Variants in VPS13C observed in about 807,000 individuals in gnomAD.
VPS13C encodes intermembrane lipid transfer protein VPS13C.
In VPS13C, 358 loss-of-function variants were observed where a neutral mutation model predicts 456.8. The ratio of observed to expected loss-of-function variants is 0.78; its 90% confidence interval spans 0.72 to 0.86. The LOEUF is 0.86. Ranked by LOEUF, VPS13C falls within the 40% of genes least tolerant of loss-of-function variation. The pLI is 0.00. For missense variants in VPS13C, 4,818 were observed against 4,385.4 expected, an observed-to-expected ratio of 1.10 and a Z score of -2.79; for synonymous variants, 1,578 against 1,486.7, an observed-to-expected ratio of 1.06 and a Z score of -1.41.
chr15:62,007,462 T>C lies in VPS13C; in HGVS notation c.1136A>G (p.Asp379Gly). The C allele has an allele frequency of 6.3e-7, 1 of 1,583,560 alleles. No individual in the cohort carries two copies. Among genetic ancestry groups the C allele is most frequent in the Non-Finnish European group, 8.6e-7 (1 of 1,168,878 alleles). The stretch of plus-strand genomic sequence containing the variant: ...TCTTATATGAACTTCAAGAACAGAA[T>C]CAATTGCATATTTCCACCTGAAAAT... ...NGRRWWKYAI[D>G]SVLEVHIRRY... is the part of the protein sequence containing the mutation. The change falls in exon 15 of 85, where the codon GAT (aspartate) becomes GGT (glycine). Residue 379 changes from aspartate to glycine, a missense_variant. Physicochemically the swap from Asp to Gly is moderately conservative, Grantham distance 94. Coordinates refer to ENST00000644861, the MANE Select transcript of VPS13C (RefSeq NM_020821.3).
At chr15:61,946,545 A>C in intron 43 of VPS13C, 135 bp from the exon 44 acceptor site, 2 of 472,816 alleles carry the variant, frequency 4.2e-6, no homozygotes, top group Middle Eastern at 9.6e-4. Context: ...TAATGGCATC[A>C]ACTTTCATGT....
chr15:62,046,679 A>T (rs922834331), intron 1 of VPS13C, among the ~76,000 whole-genome samples: 4 of 152,220 alleles, frequency 2.6e-5, no homozygotes, highest in African/African-American at 9.6e-5. Context: ...TTAGAGATGA[A>T]GTCTTTATAA....
chr15:62,024,558 A>G (rs34958705), intron 6 of VPS13C, among the ~76,000 whole-genome samples: 8,596 of 152,056 alleles, frequency 0.057, 308 homozygotes, highest in Non-Finnish European at 0.08. Context: ...TGTATTATCT[A>G]CTGATCTCTA....
chr15:61,979,366 T>G (rs890105480), intron 22 of VPS13C, among the ~76,000 whole-genome samples: 1 of 152,146 alleles, frequency 6.6e-6, no homozygotes, highest in Non-Finnish European at 1.5e-5. Flanking sequence ...TTTGAGTCAC[T>G]AAGAAGATTA....
At chr15:62,017,696 G>A (rs564604222) in intron 9 of VPS13C, among the ~76,000 whole-genome samples, 372 of 152,012 alleles carry the variant, frequency 2.4e-3, no homozygotes, top group Non-Finnish European at 4.1e-3. Context: ...TAGCCTTGGA[G>A]TATAGTTTGA....
At chr15:61,918,960 C>G (rs1278822765) in intron 58 of VPS13C, among the ~76,000 whole-genome samples, 4 of 151,918 alleles carry the variant, frequency 2.6e-5, no homozygotes, top group Admixed American at 2.0e-4. Flanking sequence ...GGAATGTTTC[C>G]TAACTACAAT....
chr15:61,953,222 TTTTAA>T (rs879422155), intron 38 of VPS13C, among the ~76,000 whole-genome samples: 2 of 151,902 alleles, frequency 1.3e-5, no homozygotes, highest in African/African-American at 2.4e-5. Context: ...AGACAATTTT[TTTTAA>T]TTTATTTTAT....
chr15:61,855,956 G>A (rs188191507), intron 83 of VPS13C, among the ~76,000 whole-genome samples: 9 of 151,770 alleles, frequency 5.9e-5, no homozygotes, highest in African/African-American at 2.2e-4. Context: ...AATCTTTCCA[G>A]AAATGTCTAA....
In VPS13C at chr15:61,868,564, C is replaced by A. The variant is rs1358450639; in HGVS notation, c.10863+95G>T. ...ACTATGTATAATACTTAAAGCAGTT[C>A]AAGAATCAGGAACTTTAAGAACCAC... On this transcript the variant is annotated intron_variant, in intron 81 of 84. Transcript: ENST00000644861. The A allele has an allele frequency of 5.0e-6, 5 of 1,001,894 alleles. No individual in the cohort carries two copies. In the East Asian group the frequency reaches 1.0e-4, roughly 20 times the overall value. 62.1% of individuals were successfully genotyped at this position (1,001,894 alleles called of 1,614,324 possible). A position where few individuals can be genotyped will look rare whatever the true frequency, so the allele number is the denominator to read the frequency against.
At chr15:61,920,410 T>A (rs2140178966) in intron 56 of VPS13C, 79 bp from the exon 57 acceptor site, 1 of 1,497,110 alleles carries the variant, frequency 6.7e-7, no homozygotes, top group Non-Finnish European at 8.9e-7. Context: ...AATTACACAT[T>A]TTTTGGAAAC....
At chr15:61,856,942 G>GATCAGA (rs1015540478) in intron 82 of VPS13C, 1 of 153,046 alleles carries the variant, frequency 6.5e-6, no homozygotes, top group African/African-American at 2.4e-5. Context: ...TACTAATAAA[G>GATCAGA]ATCAGATTTG....
chr15:61,975,227 C>T (rs980709854), intron 24 of VPS13C, among the ~76,000 whole-genome samples: 5 of 151,558 alleles, frequency 3.3e-5, no homozygotes, highest in Non-Finnish European at 7.4e-5. Flanking sequence ...GAAACTAGGA[C>T]TGAAAAGCAA....
At chr15:61,927,056 T>C (rs2140206782) in intron 52 of VPS13C, 35 bp downstream of exon 52, 1 of 1,583,064 alleles carries the variant, frequency 6.3e-7, no homozygotes. Flanking sequence ...TCTGCCATTC[T>C]TCAACCCAAG....
rs1316616403 is a variant in VPS13C at position 62,044,227 on chromosome 15, T to C, written c.129A>G (p.Ile43Met). ...AAAAACTTACCAGGGCATTTTCTTTTATCTGTAGATTATCTAAAGCCACAT... is the reference window on the plus strand; with the variant it reads ...AAAAACTTACCAGGGCATTTTCTTTCATCTGTAGATTATCTAAAGCCACAT... ...GGNVALDNLQ[I>M]KENALSELDV... is the part of the protein sequence containing the mutation. Residue 43 changes from isoleucine to methionine, a missense_variant, in exon 2 of 85, where the codon ATA (isoleucine) becomes ATG (methionine). Transcript: ENST00000644861. 6 of 1,484,748 alleles carry C rather than the reference T, an allele frequency of 4.0e-6. No homozygotes were observed. The highest frequency in any genetic ancestry group is 5.6e-6 in the Non-Finnish European group (6 of 1,080,518). 92.0% of individuals were successfully genotyped at this position (1,484,748 alleles called of 1,614,324 possible).
chr15:61,949,497 C>A lies in VPS13C; in HGVS notation c.4705G>T (p.Glu1569Ter). The change falls in exon 42 of 85, where the codon GAA becomes TAA. Residue 1569 changes from glutamate (E) to a stop codon, truncating the protein, a stop_gained. Transcript: ENST00000644861. LOFTEE classifies it high-confidence loss of function. ...CCCACAAGTGGTTTCAGCTCGGATT[C>A]CTTCTCAGAAGAGGAAGGCTCAGAG... is the stretch of plus-strand genomic sequence containing the variant. Reference protein sequence around the residue: ...PFSEPSSSEKESELKPLVGES... With the variant: ...PFSEPSSSEK 1 of 1,613,506 alleles carries A rather than the reference C, an allele frequency of 6.2e-7. No homozygotes were observed. The highest frequency in any genetic ancestry group is 8.5e-7 in the Non-Finnish European group (1 of 1,179,856).
chr15:61,888,916 A>T (rs569264608), intron 67 of VPS13C, among the ~76,000 whole-genome samples: 21 of 152,252 alleles, frequency 1.4e-4, no homozygotes, highest in African/African-American at 4.1e-4. Flanking sequence ...AATAGTAACA[A>T]ATGTACCACA....
rs773118179 is a variant in VPS13C, at chr15:62,012,177, T to G, written c.826-13A>C. On this transcript the variant is annotated splice_polypyrimidine_tract_variant and intron_variant, in intron 11 of 84. Transcript: ENST00000644861. ...TTTTCAGCTGATCCTAAACAAAAAA[T>G]TTGAATGAGAATGAAAAAGAAAATG... 2.0e-6 allele frequency: 3 copies of G among 1,507,636 alleles called. No individual in the cohort carries two copies. The highest frequency in any genetic ancestry group is 2.3e-5 in the South Asian group (2 of 88,004). The allele number at this position is 1,507,636 out of a possible 1,614,324, so 93.4% of individuals were successfully genotyped here. A position where few individuals can be genotyped will look rare whatever the true frequency, so the allele number is the denominator to read the frequency against.
At chr15:61,952,638 G>C (rs1433074856) in intron 38 of VPS13C, among the ~76,000 whole-genome samples, 3 of 152,064 alleles carry the variant, frequency 2.0e-5, no homozygotes, top group Non-Finnish European at 4.4e-5. Flanking sequence ...AAACATCCAA[G>C]TTTAACATAT....
At chr15:61,966,760 T>A (rs1016280559) in intron 29 of VPS13C, among the ~76,000 whole-genome samples, 1 of 151,968 alleles carries the variant, frequency 6.6e-6, no homozygotes, top group Non-Finnish European at 1.5e-5. Context: ...CATTATATTC[T>A]AATCATTATT....
Sources: gnomAD v4.1 joint callset for allele counts (sites outside exome capture counted in the v4.1 genomes callset) on GRCh38, gnomAD v4.1.1 for gene constraint, MANE v1.5 for transcripts, NCBI Gene and HGNC (gene_info 2026-07-23, HGNC 2026-07-21) for gene names.